ANXA4: variants seen among roughly 807,000 people sequenced by gnomAD.
The protein encoded by ANXA4 is 35-beta calcimedin.
In ANXA4, 39 loss-of-function variants were observed where a neutral mutation model predicts 49.8. The observed-to-expected ratio is 0.78, with a 90% CI of 0.61 to 1.02. The LOEUF (loss-of-function observed/expected upper bound fraction) is 1.02. Among genes scored for constraint, ANXA4 ranks in the 50% least tolerant of loss-of-function variants. The pLI, the probability that ANXA4 is intolerant of heterozygous loss-of-function variation, is 0.00. For missense variants in ANXA4, 360 were observed against 410.1 expected, an observed-to-expected ratio of 0.88 and a Z score of 1.05; for synonymous variants, 134 against 152.5, an observed-to-expected ratio of 0.88 and a Z score of 0.89.
At chr2:69,804,137 C>CAAAAA (rs377321563) in intron 3 of ANXA4, among the ~76,000 whole-genome samples, 2 of 88,848 alleles carry the variant, frequency 2.3e-5, no homozygotes, top group African/African-American at 4.3e-5. Flanking sequence ...GACTTTCTCT[C>CAAAAA]AAAAAAAAAA....
At chr2:69,772,941 C>T (rs892672501) in intron 1 of ANXA4, among the ~76,000 whole-genome samples, 2 of 151,692 alleles carry the variant, frequency 1.3e-5, no homozygotes, top group Admixed American at 6.6e-5. Context: ...CACTTGAACC[C>T]GGGAGGCGGA....
intron 12 of ANXA4, among the ~76,000 whole-genome samples, chr2:69,821,936 G>T (rs1247335163): frequency 6.6e-6 from 1 of 152,160 alleles, no homozygotes; most frequent in Non-Finnish European, 1.5e-5. Context: ...ATAACCCCAG[G>T]AAATGACAAA....
chr2:69,715,355 G>A (rs559316724), intron 2 of ANXA4, among the ~76,000 whole-genome samples: 3 of 152,044 alleles, frequency 2.0e-5, no homozygotes, highest in Admixed American at 6.6e-5. Flanking sequence ...TTACAGGTAC[G>A]CACCACCATG....
intron 6 of ANXA4, 41 bp downstream of exon 6, chr2:69,808,037 T>C: frequency 6.3e-7 from 1 of 1,579,858 alleles, no homozygotes; most frequent in Non-Finnish European, 8.7e-7. Flanking sequence ...GGTTTCGCTG[T>C]GATTAGAGAA....
chr2:69,805,571 G>A (rs1403642760), intron 4 of ANXA4, among the ~76,000 whole-genome samples: 7 of 148,878 alleles, frequency 4.7e-5, no homozygotes, highest in Non-Finnish European at 7.4e-5. Flanking sequence ...GTGCCACTGC[G>A]CTCCAGCCTA....
intron 3 of ANXA4, among the ~76,000 whole-genome samples, chr2:69,795,253 G>C (rs1205639322): frequency 6.6e-6 from 1 of 152,172 alleles, no homozygotes; most frequent in Non-Finnish European, 1.5e-5. Flanking sequence ...AATCCCTGAG[G>C]CAGCACCATC....
At chr2:69,724,023 G>A (rs1213838584) in intron 3 of ANXA4, among the ~76,000 whole-genome samples, 1 of 152,262 alleles carries the variant, frequency 6.6e-6, no homozygotes, top group Non-Finnish European at 1.5e-5. Context: ...GGTGGGCTGA[G>A]GCTGGAGAAT....
Position 69,812,639 on chromosome 2 carries a change from T to C in ANXA4, c.478-14T>C. On this transcript the variant is annotated splice_polypyrimidine_tract_variant and intron_variant, in intron 7 of 12. Coordinates refer to ENST00000394295, the MANE Select transcript of ANXA4 (RefSeq NM_001153.5). ...ACTCTCGAATTATTTTTTATTTGTTTTTCTCATCCTCAGGGTGGGAGGGAT... is the reference window on the plus strand; with the variant it reads ...ACTCTCGAATTATTTTTTATTTGTTCTTCTCATCCTCAGGGTGGGAGGGAT... 1 of 1,611,866 alleles carries C rather than the reference T, an allele frequency of 6.2e-7. No individual in the cohort carries two copies. The highest frequency in any genetic ancestry group is 8.5e-7 in the Non-Finnish European group (1 of 1,178,400).
At chr2:69,817,621 A>G (rs1314354511) in intron 9 of ANXA4, 2 of 152,246 alleles carry the variant, frequency 1.3e-5, no homozygotes, top group Admixed American at 6.5e-5. Flanking sequence ...ACAGCTGAAC[A>G]CCTTCAGGAA....
At chr2:69,721,905 T>A (rs1404641146) in intron 3 of ANXA4, among the ~76,000 whole-genome samples, 1 of 152,158 alleles carries the variant, frequency 6.6e-6, no homozygotes, top group African/African-American at 2.4e-5. Context: ...CAAGTTAGGA[T>A]GAAAATGGAA....
intron 3 of ANXA4, among the ~76,000 whole-genome samples, chr2:69,728,643 A>G (rs556120948): frequency 1.3e-5 from 2 of 152,314 alleles, no homozygotes; most frequent in East Asian, 3.9e-4. Flanking sequence ...TCCTCACTAC[A>G]CTGCCAACTT....
At chr2:69,772,073 T>G (rs192160819) in intron 1 of ANXA4, among the ~76,000 whole-genome samples, 23 of 152,316 alleles carry the variant, frequency 1.5e-4, no homozygotes, top group South Asian at 4.1e-4. Flanking sequence ...TTTTAAGACA[T>G]CACTAAAAAG....
chr2:69,702,577 G>C (rs983430501), intron 2 of ANXA4, among the ~76,000 whole-genome samples: 2 of 151,988 alleles, frequency 1.3e-5, no homozygotes, highest in African/African-American at 4.8e-5. Flanking sequence ...AACTGAGTGT[G>C]GTGGTGTATA....
intron 3 of ANXA4, among the ~76,000 whole-genome samples, chr2:69,803,864 G>A (rs9309431): frequency 0.071 from 10,768 of 152,154 alleles, 1,267 homozygotes; most frequent in African/African-American, 0.24. Context: ...ATGGCTGGGC[G>A]TGGTGTCTCA....
chr2:69,688,455 G>A (rs1433772918), intron 2 of ANXA4, among the ~76,000 whole-genome samples: 1 of 152,196 alleles, frequency 6.6e-6, no homozygotes, highest in Non-Finnish European at 1.5e-5. Context: ...GTCTAGATCT[G>A]TTAATTCATT....
At chr2:69,792,842 G>A (rs892502000) in intron 3 of ANXA4, among the ~76,000 whole-genome samples, 8 of 151,676 alleles carry the variant, frequency 5.3e-5, no homozygotes, top group African/African-American at 1.9e-4. Context: ...TTATGTGCTG[G>A]ATGCAGATAA....
At chr2:69,725,367 A>G (rs935944140) in intron 3 of ANXA4, among the ~76,000 whole-genome samples, 2 of 148,548 alleles carry the variant, frequency 1.3e-5, no homozygotes, top group Admixed American at 6.7e-5. Context: ...CTATAAATAT[A>G]TAAATTTATT....
At chr2:69,787,216 G>C (rs572180430) in intron 2 of ANXA4, among the ~76,000 whole-genome samples, 1 of 152,182 alleles carries the variant, frequency 6.6e-6, no homozygotes, top group Non-Finnish European at 1.5e-5. Context: ...CAAATGTCAA[G>C]TCAATGTTCA....
intron 2 of ANXA4, among the ~76,000 whole-genome samples, chr2:69,671,177 T>C (rs1364808539): frequency 6.6e-6 from 1 of 151,852 alleles, no homozygotes; most frequent in Non-Finnish European, 1.5e-5. Flanking sequence ...ATTCCTTAAA[T>C]AAAACACAAA....
Sources: allele counts gnomAD v4.1 joint callset (sites outside exome capture counted in the v4.1 genomes callset), GRCh38; gene constraint gnomAD v4.1.1; transcripts MANE v1.5; gene names NCBI Gene and HGNC (gene_info 2026-07-23, HGNC 2026-07-21).